CNOT6L: variants seen among roughly 807,000 people sequenced by gnomAD.
CNOT6L encodes CCR4-NOT transcription complex subunit 6-like.
In CNOT6L, 7 loss-of-function variants were observed where a neutral mutation model predicts 64.0. The ratio of observed to expected loss-of-function variants is 0.11; its 90% CI spans 0.06 to 0.21. The LOEUF is 0.21. Among genes scored for constraint, CNOT6L ranks in the 10% least tolerant of loss-of-function variants. The pLI, the probability that CNOT6L is intolerant of heterozygous loss-of-function variation, is 1.00. For missense variants in CNOT6L, 245 were observed against 669.0 expected, an observed-to-expected ratio of 0.37 and a Z score of 6.99; for synonymous variants, 193 against 243.4, an observed-to-expected ratio of 0.79 and a Z score of 1.93.
chr4:77,755,394 T>A (rs1286195985), intron 5 of CNOT6L, among the ~76,000 whole-genome samples: 1 of 152,036 alleles, frequency 6.6e-6, no homozygotes, highest in African/African-American at 2.4e-5. Context: ...TTTTTTGTAT[T>A]TTTAGTAGAG....
rs758697149 is a variant in CNOT6L at position 77,718,831 on chromosome 4, C to T, written c.*1600G>A. On this transcript the variant is annotated 3_prime_UTR_variant, in exon 12 of 12. Transcript: ENST00000504123. ...AAGATGTCAGGTTTGAAAGAGGAGA[C>T]AAATTGTGTATATTTAAAACTAATT... The T allele has an allele frequency of 5.9e-5, 9 of 152,506 alleles. No individual in the cohort carries two copies. The highest frequency in any genetic ancestry group is 1.2e-4 in the Non-Finnish European group (8 of 68,002). 9.4% of individuals were successfully genotyped at this position (152,506 alleles called of 1,614,324 possible).
intron 8 of CNOT6L, among the ~76,000 whole-genome samples, chr4:77,741,668 T>C (rs1398670901): frequency 6.6e-6 from 1 of 152,186 alleles, no homozygotes. Flanking sequence ...TTGACTATCT[T>C]TGTGTCTGTT....
chr4:77,754,797 T>C (rs1387660284), intron 5 of CNOT6L, among the ~76,000 whole-genome samples: 3 of 141,856 alleles, frequency 2.1e-5, no homozygotes, highest in Admixed American at 7.2e-5. Flanking sequence ...TAAAAAACAA[T>C]AGTGAAAGGA....
intron 1 of CNOT6L, among the ~76,000 whole-genome samples, chr4:77,792,798 C>T (rs1730321196): frequency 6.7e-6 from 1 of 149,986 alleles, no homozygotes; most frequent in African/African-American, 2.4e-5. Context: ...CCAAGAAATA[C>T]TAACATAACA....
At chr4:77,746,263 C>A (rs888428436) in intron 6 of CNOT6L, among the ~76,000 whole-genome samples, 1 of 152,086 alleles carries the variant, frequency 6.6e-6, no homozygotes, top group African/African-American at 2.4e-5. Flanking sequence ...GAGAATGAAC[C>A]AGCAATTTTT....
rs1291387166 is a variant in CNOT6L, at chr4:77,716,391, A to G, written c.*4040T>C. ...AAAATCTAGCCATGTATTAGGAATG[A>G]CATAATGATGTGGTTATATGCCTCT... On this transcript the variant is annotated 3_prime_UTR_variant, in exon 12 of 12. Coordinates refer to ENST00000504123, the MANE Select transcript of CNOT6L (RefSeq NM_144571.3). The G allele has an allele frequency of 6.6e-6, 1 of 152,114 alleles. No individual in the cohort carries two copies. Among genetic ancestry groups the G allele is most frequent in the Non-Finnish European group, 1.5e-5 (1 of 67,988 alleles). The allele number at this position is 152,114 out of a possible 1,614,324, so 9.4% of individuals were successfully genotyped here. A position where few individuals can be genotyped will look rare whatever the true frequency, so the allele number is the denominator to read the frequency against.
chr4:77,758,717 G>T (rs888617069), intron 4 of CNOT6L, among the ~76,000 whole-genome samples: 1 of 152,190 alleles, frequency 6.6e-6, no homozygotes, highest in African/African-American at 2.4e-5. Flanking sequence ...AACTCCAAGA[G>T]GGCCTAGTCT....
chr4:77,770,530 T>C (rs1727405715), intron 4 of CNOT6L, among the ~76,000 whole-genome samples: 2 of 152,230 alleles, frequency 1.3e-5, no homozygotes, highest in Non-Finnish European at 2.9e-5. Flanking sequence ...AGATCTGGTT[T>C]TCTGGATCAC....
intron 8 of CNOT6L, among the ~76,000 whole-genome samples, chr4:77,735,756 C>T (rs1042655427): frequency 6.6e-6 from 1 of 152,170 alleles, no homozygotes; most frequent in Non-Finnish European, 1.5e-5. Context: ...CAGTCTGCAG[C>T]GGGTCCATTC....
chr4:77,811,460 T>C (rs565992838), intron 1 of CNOT6L, among the ~76,000 whole-genome samples: 1 of 151,978 alleles, frequency 6.6e-6, no homozygotes, highest in Non-Finnish European at 1.5e-5. Context: ...GGCAGGAGAA[T>C]CACTTGAACC....
intron 1 of CNOT6L, among the ~76,000 whole-genome samples, chr4:77,809,531 TGCA>T (rs1368161265): frequency 2.0e-5 from 3 of 152,184 alleles, no homozygotes; most frequent in African/African-American, 7.2e-5. Context: ...ATGTAGATAT[TGCA>T]GAAGATTGTA....
chr4:77,756,845 T>C lies in CNOT6L; in HGVS notation c.490+17A>G. On this transcript the variant is annotated intron_variant, in intron 5 of 11. Transcript: ENST00000504123. ...TATCTGTAGAATTTATTTTACAGCT[T>C]TGTCACTAACAGTTACCTGCGAGAT... 2 of 1,516,012 alleles carry C rather than the reference T, an allele frequency of 1.3e-6. No individual in the cohort carries two copies. Among genetic ancestry groups the C allele is most frequent in the Non-Finnish European group, 1.8e-6 (2 of 1,098,892 alleles). The allele number at this position is 1,516,012 out of a possible 1,614,324, so 93.9% of individuals were successfully genotyped here. A position where few individuals can be genotyped will look rare whatever the true frequency, so the allele number is the denominator to read the frequency against.
intron 8 of CNOT6L, among the ~76,000 whole-genome samples, chr4:77,734,553 A>C (rs977307677): frequency 8.5e-5 from 13 of 152,274 alleles, no homozygotes; most frequent in African/African-American, 3.1e-4. Context: ...ATTGCTACAT[A>C]TATTTTTCTG....
chr4:77,723,842 T>A (rs776507238), intron 11 of CNOT6L, among the ~76,000 whole-genome samples: 1 of 152,236 alleles, frequency 6.6e-6, no homozygotes, highest in African/African-American at 2.4e-5. Flanking sequence ...CTAACACATG[T>A]AAGAGCTTTT....
At chr4:77,734,167 C>T (rs1270596266) in intron 8 of CNOT6L, among the ~76,000 whole-genome samples, 3 of 152,088 alleles carry the variant, frequency 2.0e-5, no homozygotes, top group Non-Finnish European at 4.4e-5. Context: ...ATGTTTTGAT[C>T]TTTTTGCTCT....
At chr4:77,740,785 C>T (rs1200412989) in intron 8 of CNOT6L, among the ~76,000 whole-genome samples, 3 of 152,290 alleles carry the variant, frequency 2.0e-5, no homozygotes, top group South Asian at 4.1e-4. Context: ...ATTCCTATCA[C>T]CCAGTGATGA....
chr4:77,779,066 AAAAAAAAC>A (rs1560419966), intron 1 of CNOT6L, among the ~76,000 whole-genome samples: 2 of 104,204 alleles, frequency 1.9e-5, no homozygotes, highest in Non-Finnish European at 2.1e-5. Flanking sequence ...AAAAAAACAA[AAAAAAAAC>A]ACAAAAAACA....
chr4:77,773,244 C>T, intron 3 of CNOT6L, 78 bp from the exon 4 acceptor site: 2 of 822,438 alleles, frequency 2.4e-6, no homozygotes, highest in South Asian at 3.6e-5. Flanking sequence ...CTTAAGGCTC[C>T]TTCTAACATA....
intron 4 of CNOT6L, among the ~76,000 whole-genome samples, chr4:77,767,371 T>C (rs1336132445): frequency 6.6e-6 from 1 of 152,122 alleles, no homozygotes; most frequent in Non-Finnish European, 1.5e-5. Context: ...AGAGCCACGG[T>C]GCCCAAATTG....
Sources: gnomAD v4.1 joint callset for allele counts (sites outside exome capture counted in the v4.1 genomes callset) on GRCh38, gnomAD v4.1.1 for gene constraint, MANE v1.5 for transcripts, NCBI Gene and HGNC (gene_info 2026-07-23, HGNC 2026-07-21) for gene names.